Variants in CMYA5 observed in about 807,000 individuals in gnomAD.
The protein encoded by CMYA5 is cardiomyopathy associated 5, also known as cardiomyopathy-associated protein 5.
A neutral mutation model predicts 318.9 loss-of-function variants in CMYA5; 246 were observed. That is an observed-to-expected ratio of 0.77 (90% CI 0.70 to 0.86). The LOEUF (loss-of-function observed/expected upper bound fraction) is 0.86. CMYA5 is among the 40% of genes least tolerant of loss of function. The pLI, the probability that CMYA5 is intolerant of heterozygous loss-of-function variation, is 0.00. For synonymous variants in CMYA5, 1,641 were observed against 1,729.5 expected (o/e 0.95, Z 1.27); for missense variants, 4,589 against 4,678.2 (o/e 0.98, Z 0.56).
In CMYA5 at chr5:79,735,086, G is replaced by A; in HGVS notation, c.6321G>A (p.Met2107Ile). Residue 2107 changes from methionine (M) to isoleucine (I), a missense_variant, in exon 2 of 13, where the codon ATG becomes ATA. Around this residue, in one of 3 missense-constraint regions of CMYA5, gnomAD observed 2,431 missense variants for 2,495.1 expected, o/e 0.97. Coordinates refer to ENST00000446378, the MANE Select transcript of CMYA5 (RefSeq NM_153610.5). ...AGAAGCCATTGGAAGAATCAAAAAT[G>A]GTTCAGTCAAAGGTTATTGATGATG... is the stretch of plus-strand genomic sequence containing the variant. ...PEEKPLEESK[M>I]VQSKVIDDAD... The A allele has an allele frequency of 6.2e-7, 1 of 1,613,748 alleles. No homozygotes were observed. Among genetic ancestry groups the A allele is most frequent in the Non-Finnish European group, 8.5e-7 (1 of 1,179,768 alleles).
chr5:79,691,240 TG>T (rs1288549223), intron 1 of CMYA5, among the ~76,000 whole-genome samples: 1 of 152,164 alleles, frequency 6.6e-6, no homozygotes, highest in Non-Finnish European at 1.5e-5. Flanking sequence ...AGAAGGCACC[TG>T]TAGGAAGTGG....
intron 1 of CMYA5, among the ~76,000 whole-genome samples, chr5:79,713,292 ACCCCG>A (rs1315667247): frequency 2.5e-4 from 14 of 56,934 alleles, no homozygotes; most frequent in African/African-American, 8.4e-4. Context: ...ACCCCGCTGC[ACCCCG>A]CCCCCACCCC....
In CMYA5 at chr5:79,736,912, T is replaced by C; in HGVS notation, c.8147T>C (p.Leu2716Ser). Residue 2716 changes from leucine to serine, a missense_variant, in exon 2 of 13, where the codon TTG becomes TCG. By Grantham distance (145) the Leu-to-Ser change is moderately radical. This residue lies in a region of CMYA5 where 2,431 missense variants were observed against 2,495.1 expected (regional missense o/e 0.97). Transcript: ENST00000446378. The stretch of plus-strand genomic sequence containing the variant: ...CGTCCTTTAGAAGAAAGTAAAGTTT[T>C]GGTGGAGAAAACTAAGACTTTCCTG... ...QPRPLEESKV[L>S]VEKTKTFLPV... is the part of the protein sequence containing the mutation. The C allele has an allele frequency of 6.2e-7, 1 of 1,613,326 alleles. No homozygotes were observed. The highest frequency in any genetic ancestry group is 8.5e-7 in the Non-Finnish European group (1 of 1,179,762).
intron 9 of CMYA5, among the ~76,000 whole-genome samples, chr5:79,778,678 T>A (rs1191956838): frequency 6.6e-6 from 1 of 151,760 alleles, no homozygotes; most frequent in East Asian, 1.9e-4. Context: ...AAGTTTCAAA[T>A]CTTTAAAAAT....
chr5:79,731,378 A>G lies in CMYA5; in HGVS notation c.2613A>G (p.Pro871=), dbSNP rs754009919. ...TGACTTCTGAATGCCAGGCCCCACC[A>G]CTTTCAGCCACCCCATCTGAATATG... ...TEMTSECQAP[P]LSATPSEYVV... Residue 871 remains proline, a synonymous_variant, in exon 2 of 13, where the codon CCA becomes CCG. Coordinates refer to ENST00000446378, the MANE Select transcript of CMYA5 (RefSeq NM_153610.5). 6.2e-7 allele frequency: 1 copy of G among 1,613,776 alleles called. No individual in the cohort carries two copies. The highest frequency in any genetic ancestry group is 8.5e-7 in the Non-Finnish European group (1 of 1,179,856).
At position 79,736,532 on chromosome 5, in the gene CMYA5, T is replaced by A; in HGVS notation, c.7767T>A (p.Val2589=). 6.2e-7 allele frequency: 1 copy of A among 1,613,494 alleles called. No homozygotes were observed. Among genetic ancestry groups the A allele is most frequent in the Admixed American group, 1.7e-5 (1 of 59,858 alleles). ...SLGETQSFSL[V]KATSVTEKSE... ...GTGAAACTCAATCATTTTCATTAGT[T>A]AAAGCTACATCAGTTACTGAAAAAT... is the stretch of plus-strand genomic sequence containing the variant. The change falls in exon 2 of 13, where the codon GTT becomes GTA. Residue 2589 remains valine (V), a synonymous_variant. Coordinates refer to ENST00000446378, the MANE Select transcript of CMYA5 (RefSeq NM_153610.5).
intron 1 of CMYA5, among the ~76,000 whole-genome samples, chr5:79,718,229 G>A (rs1388259569): frequency 1.3e-5 from 2 of 152,108 alleles, no homozygotes; most frequent in African/African-American, 4.8e-5. Context: ...ATTCAGCAAT[G>A]CATATTTTTT....
intron 11 of CMYA5, among the ~76,000 whole-genome samples, chr5:79,791,675 G>A (rs1433380339): frequency 6.9e-6 from 1 of 144,834 alleles, no homozygotes; most frequent in Non-Finnish European, 1.5e-5. Flanking sequence ...AGCTGAGATT[G>A]TGCCATTGCA....
chr5:79,756,600 C>A (rs1828535096), intron 6 of CMYA5, among the ~76,000 whole-genome samples: 1 of 152,158 alleles, frequency 6.6e-6, no homozygotes, highest in Admixed American at 6.5e-5. Context: ...GCATTGAAGT[C>A]CATGAACTTG....
chr5:79,738,789 T>C lies in CMYA5; in HGVS notation c.10024T>C (p.Phe3342Leu). 3.7e-6 allele frequency: 6 copies of C among 1,613,830 alleles called. No individual in the cohort carries two copies. Among genetic ancestry groups the C allele is most frequent in the Non-Finnish European group, 5.1e-6 (6 of 1,179,854 alleles). ...CCAGAAAATAAGTTATGCGGTTCCA[T>C]TTGAAGACACCCATCATGTTCTGGA... is the stretch of plus-strand genomic sequence containing the variant. ...ATQKISYAVP[F>L]EDTHHVLERA... The change falls in exon 2 of 13, where the codon TTT becomes CTT. Residue 3342 changes from phenylalanine (F) to leucine (L), a missense_variant. Phe to Leu is a conservative substitution (Grantham distance 22). Coordinates refer to ENST00000446378, the MANE Select transcript of CMYA5 (RefSeq NM_153610.5).
intron 9 of CMYA5, among the ~76,000 whole-genome samples, chr5:79,769,033 TTTGA>T (rs1028864432): frequency 1.3e-5 from 2 of 152,212 alleles, no homozygotes; most frequent in African/African-American, 4.8e-5. Flanking sequence ...TCATGCTTTA[TTTGA>T]TTAAGTTGAT....
intron 6 of CMYA5, among the ~76,000 whole-genome samples, chr5:79,754,846 T>G (rs1340623885): frequency 6.6e-6 from 1 of 152,216 alleles, no homozygotes; most frequent in Non-Finnish European, 1.5e-5. Context: ...CCCCTTCTCC[T>G]GGCTGTGGCA....
At chr5:79,724,495 C>T (rs1459358473) in intron 1 of CMYA5, among the ~76,000 whole-genome samples, 1 of 152,206 alleles carries the variant, frequency 6.6e-6, no homozygotes, top group Non-Finnish European at 1.5e-5. Context: ...CTCAGATCAG[C>T]TGAACCTTCT....
Position 79,734,647 on chromosome 5 carries a change from C to T in CMYA5, c.5882C>T (p.Ala1961Val), listed in dbSNP as rs79043487. ...AEESHLSSQE[A>V]VSALDTSSGN... ...GAATCTCATTTGTCATCACAAGAAG[C>T]AGTATCTGCTCTTGATACTTCCAGT... is the stretch of plus-strand genomic sequence containing the variant. The change falls in exon 2 of 13, where the codon GCA (alanine) becomes GTA (valine). Residue 1961 changes from alanine to valine, a missense_variant. Ala to Val is a moderately conservative substitution (Grantham distance 64). Transcript: ENST00000446378. The T allele has an allele frequency of 1.0e-3, 1,619 of 1,613,320 alleles. 23 individuals carry two copies. The African/African-American group carries it at 0.02, about 20-fold the overall frequency.
chr5:79,719,518 C>G (rs1827580760), intron 1 of CMYA5, among the ~76,000 whole-genome samples: 1 of 152,134 alleles, frequency 6.6e-6, no homozygotes, highest in Non-Finnish European at 1.5e-5. Flanking sequence ...CTGGTTTATA[C>G]TAATACAACT....
At chr5:79,752,906 AAAAAG>A in intron 6 of CMYA5, 112 bp downstream of exon 6, 1 of 683,576 alleles carries the variant, frequency 1.5e-6, no homozygotes. Flanking sequence ...ATGTAACTGG[AAAAAG>A]AAAAGTATTA....
intron 9 of CMYA5, chr5:79,774,203 A>C (rs1040104493): frequency 6.6e-6 from 1 of 152,214 alleles, no homozygotes; most frequent in Non-Finnish European, 1.5e-5. Context: ...CCATTCCATA[A>C]TCCTCACAGA....
At position 79,761,786 on chromosome 5, in the gene CMYA5, C is replaced by G. The variant is rs201559535; in HGVS notation, c.11261-25C>G. On this transcript the variant is annotated intron_variant, in intron 7 of 12. Transcript: ENST00000446378. ...TTTAATTAACTTTGGAAGATGTCTT[C>G]GATTTTAATTGTGTCTTATGCTAGA... 4 of 1,592,110 alleles carry G rather than the reference C, an allele frequency of 2.5e-6. No homozygotes were observed. In the East Asian group the frequency reaches 9.0e-5, roughly 36 times the overall value.
intron 1 of CMYA5, among the ~76,000 whole-genome samples, chr5:79,694,475 A>C (rs1020580854): frequency 6.6e-6 from 1 of 152,194 alleles, no homozygotes; most frequent in Non-Finnish European, 1.5e-5. Context: ...GAAACTTTTC[A>C]GCATTTTTAT....
Sources: gnomAD v4.1 joint callset for allele counts (sites outside exome capture counted in the v4.1 genomes callset) on GRCh38, gnomAD v4.1.1 for gene constraint, gnomAD v4.1.1 regional missense constraint, MANE v1.5 for transcripts, NCBI Gene and HGNC (gene_info 2026-07-23, HGNC 2026-07-21) for gene names.